Variants in RAB3GAP1 observed in about 807,000 individuals in gnomAD.
The protein encoded by RAB3GAP1 is RAB3 GTPase activating protein catalytic subunit 1.
A neutral mutation model predicts 130.7 loss-of-function variants in RAB3GAP1; 86 were observed. The observed-to-expected ratio is 0.66, with a 90% CI of 0.55 to 0.79. RAB3GAP1 has a LOEUF of 0.79. Ranked by LOEUF, RAB3GAP1 falls within the 30% of genes least tolerant of loss-of-function variation. RAB3GAP1 has a pLI of 0.00. For missense variants in RAB3GAP1, 1,029 were observed against 1,169.4 expected (o/e 0.88, Z 1.75); for synonymous variants, 367 against 401.7 (o/e 0.91, Z 1.03).
At chr2:135,055,844 T>C (rs1248018310) in intron 2 of RAB3GAP1, among the ~76,000 whole-genome samples, 1 of 151,890 alleles carries the variant, frequency 6.6e-6, no homozygotes, top group South Asian at 2.1e-4. Context: ...TTCCTTTTTT[T>C]TTCTTTTTTT....
chr2:135,106,523 A>G (rs1690625601), intron 5 of RAB3GAP1, among the ~76,000 whole-genome samples: 1 of 152,198 alleles, frequency 6.6e-6, no homozygotes, highest in Non-Finnish European at 1.5e-5. Context: ...GCGGTGCAAG[A>G]TGTGCTTTGT....
chr2:135,158,909 C>T (rs1027385747), intron 19 of RAB3GAP1, among the ~76,000 whole-genome samples: 2 of 152,014 alleles, frequency 1.3e-5, no homozygotes, highest in Non-Finnish European at 2.9e-5. Flanking sequence ...TGTGAGGGAA[C>T]ATTAGATGAA....
intron 3 of RAB3GAP1, among the ~76,000 whole-genome samples, chr2:135,087,215 A>G (rs1431446128): frequency 6.6e-6 from 1 of 152,166 alleles, no homozygotes; most frequent in Non-Finnish European, 1.5e-5. Flanking sequence ...CTCTGTTGTG[A>G]AGTCAAATGT....
intron 7 of RAB3GAP1, 78 bp downstream of exon 7, chr2:135,115,459 A>G (rs1690943403): frequency 1.4e-6 from 2 of 1,408,622 alleles, no homozygotes; most frequent in Non-Finnish European, 2.0e-6. Flanking sequence ...TTCAGCATAT[A>G]GAAACATTTC....
intron 17 of RAB3GAP1, among the ~76,000 whole-genome samples, chr2:135,144,869 C>A (rs1476942173): frequency 6.6e-6 from 1 of 152,180 alleles, no homozygotes; most frequent in Non-Finnish European, 1.5e-5. Flanking sequence ...TCTGAACTTT[C>A]CAGTTTCCTC....
At chr2:135,061,003 CTT>C (rs369829961) in intron 3 of RAB3GAP1, among the ~76,000 whole-genome samples, 19 of 131,024 alleles carry the variant, frequency 1.5e-4, no homozygotes, top group Admixed American at 1.5e-4. Flanking sequence ...TGGGCCCAGC[CTT>C]TTTTTTTTTT....
chr2:135,173,739 T>C (rs536114913), downstream of RAB3GAP1, among the ~76,000 whole-genome samples: 4 of 152,252 alleles, frequency 2.6e-5, 1 homozygote, highest in African/African-American at 9.6e-5. Flanking sequence ...GAGAAGGTCA[T>C]GAAGCAGCTG....
intron 23 of RAB3GAP1, among the ~76,000 whole-genome samples, chr2:135,168,204 A>G (rs1692717585): frequency 6.6e-6 from 1 of 152,194 alleles, no homozygotes; most frequent in African/African-American, 2.4e-5. Context: ...AGGCTGTCAG[A>G]CGTAGACTTG....
intron 3 of RAB3GAP1, among the ~76,000 whole-genome samples, chr2:135,079,279 C>G (rs1689718420): frequency 6.6e-6 from 1 of 152,194 alleles, no homozygotes; most frequent in Non-Finnish European, 1.5e-5. Context: ...AGCCACCACA[C>G]CTGGCCCCTA....
chr2:135,168,696 C>T lies in RAB3GAP1; in HGVS notation c.2861C>T (p.Ala954Val), dbSNP rs1461486785. 8 of 1,614,234 alleles carry T rather than the reference C, an allele frequency of 5.0e-6. No individual in the cohort carries two copies. The highest frequency in any genetic ancestry group is 1.6e-4 in the Middle Eastern group (1 of 6,062). Residue 954 changes from alanine to valine, a missense_variant, in exon 24 of 24, where the codon GCT (alanine) becomes GTT (valine). By Grantham distance (64) the Ala-to-Val change is moderately conservative. This residue lies in a region of RAB3GAP1 where 146 missense variants were observed against 143.7 expected (regional missense o/e 1.02). Coordinates refer to ENST00000264158, the MANE Select transcript of RAB3GAP1 (RefSeq NM_012233.3). The stretch of plus-strand genomic sequence containing the variant: ...CCGCGCCCTGCTCCCTACTCCAAAG[C>T]TCTGCCTCAGCGGATGTACAGTGTT... Reference protein sequence around the residue: ...TVPRPAPYSKALPQRMYSVLT... With the variant: ...TVPRPAPYSKVLPQRMYSVLT...
chr2:135,052,298 G>C lies in RAB3GAP1; in HGVS notation c.-10G>C. On this transcript the variant is annotated 5_prime_UTR_variant, in exon 1 of 24. Transcript: ENST00000264158. Reference sequence around the variant, plus strand: ...CGGCAGCCTTAGCGCCAGGCCCGGCGCTCCTCAAGATGGCTGCCGACAGTG... The same window carrying C: ...CGGCAGCCTTAGCGCCAGGCCCGGCCCTCCTCAAGATGGCTGCCGACAGTG... 2 of 1,613,374 alleles carry C rather than the reference G, an allele frequency of 1.2e-6. No individual in the cohort carries two copies. The highest frequency in any genetic ancestry group is 2.2e-5 in the East Asian group (1 of 44,866).
rs773949768 is a variant in RAB3GAP1, at chr2:135,150,463, G to A, written c.2018G>A (p.Arg673His). 1 of 1,614,194 alleles carries A rather than the reference G, an allele frequency of 6.2e-7. No homozygotes were observed. Among genetic ancestry groups the A allele is most frequent in the Non-Finnish European group, 8.5e-7 (1 of 1,180,032 alleles). The change falls in exon 18 of 24, where the codon CGC becomes CAC. Residue 673 changes from arginine (R) to histidine (H), a missense_variant. Physicochemically the swap from Arg to His is conservative, Grantham distance 29. Coordinates refer to ENST00000264158, the MANE Select transcript of RAB3GAP1 (RefSeq NM_012233.3). Reference protein sequence around the residue: ...TSAEGAHLRARMQSACLLSDM... With the variant: ...TSAEGAHLRAHMQSACLLSDM... ...GCAGAGGGGGCTCACCTTCGAGCAC[G>A]CATGCAGAGTGCCTGTCTGCTCTCA...
chr2:135,104,970 T>G (rs1165210325), intron 5 of RAB3GAP1, among the ~76,000 whole-genome samples: 1 of 152,026 alleles, frequency 6.6e-6, no homozygotes, highest in Non-Finnish European at 1.5e-5. Flanking sequence ...TCACATGGGC[T>G]CAAAAGCAGA....
chr2:135,091,878 G>A (rs1050615990), intron 4 of RAB3GAP1, among the ~76,000 whole-genome samples: 6 of 152,148 alleles, frequency 3.9e-5, no homozygotes, highest in African/African-American at 1.4e-4. Flanking sequence ...GAATAAACAT[G>A]AACTTTGGAG....
At chr2:135,076,574 G>T (rs1689641036) in intron 3 of RAB3GAP1, among the ~76,000 whole-genome samples, 1 of 152,060 alleles carries the variant, frequency 6.6e-6, no homozygotes, top group African/African-American at 2.4e-5. Context: ...TATGAATGTT[G>T]ACTCTGGGTT....
At chr2:135,072,531 G>T (rs1359238343) in intron 3 of RAB3GAP1, among the ~76,000 whole-genome samples, 2 of 152,110 alleles carry the variant, frequency 1.3e-5, no homozygotes, top group Non-Finnish European at 2.9e-5. Flanking sequence ...ACAACATAGG[G>T]AACCAATTTT....
chr2:135,060,799 G>A (rs1264685070), intron 3 of RAB3GAP1, among the ~76,000 whole-genome samples: 4 of 152,044 alleles, frequency 2.6e-5, no homozygotes, highest in Non-Finnish European at 4.4e-5. Flanking sequence ...TCTGCCTCCC[G>A]GGTTCAAGCA....
chr2:135,064,139 TATTTC>T (rs1689252252), intron 3 of RAB3GAP1, among the ~76,000 whole-genome samples: 1 of 152,190 alleles, frequency 6.6e-6, no homozygotes. Flanking sequence ...AAAAAAATTT[TATTTC>T]AGCCATCTGA....
chr2:135,120,817 A>G lies in RAB3GAP1; in HGVS notation c.649-2A>G, dbSNP rs730882183. 6.3e-7 allele frequency: 1 copy of G among 1,584,614 alleles called. No individual in the cohort carries two copies. Among genetic ancestry groups the G allele is most frequent in the South Asian group, 1.1e-5 (1 of 90,472 alleles). Reference sequence around the variant, plus strand: ...GGTATTGTCTTTGCATGTATTTCCTAGGGATGTCCTTTAACTCCATTGCCT... The same window carrying G: ...GGTATTGTCTTTGCATGTATTTCCTGGGGATGTCCTTTAACTCCATTGCCT... On this transcript the variant is annotated splice_acceptor_variant, in intron 7 of 23. Coordinates refer to ENST00000264158, the MANE Select transcript of RAB3GAP1 (RefSeq NM_012233.3). LOFTEE classifies it high-confidence loss of function.
Sources: gnomAD v4.1 joint callset for allele counts (sites outside exome capture counted in the v4.1 genomes callset) on GRCh38, gnomAD v4.1.1 for gene constraint, gnomAD v4.1.1 regional missense constraint, MANE v1.5 for transcripts, NCBI Gene and HGNC (gene_info 2026-07-23, HGNC 2026-07-21) for gene names.